ZNF880: variants seen among roughly 807,000 people sequenced by gnomAD.
The protein encoded by ZNF880 is zinc finger protein 880.
Under a neutral mutation model 11.8 loss-of-function variants are expected in ZNF880, and 12 were observed. The ratio of observed to expected loss-of-function variants is 1.02; its 90% CI spans 0.65 to 1.65. ZNF880 has a LOEUF of 1.65. Among genes scored for constraint, ZNF880 ranks in the 40% most tolerant of loss-of-function variants. ZNF880 has a pLI of 0.00. For synonymous variants in ZNF880, 210 were observed against 232.4 expected, an observed-to-expected ratio of 0.90 and a Z score of 0.88; for missense variants, 601 against 673.9, an observed-to-expected ratio of 0.89 and a Z score of 1.20.
At chr19:52,389,886 T>G (rs185350655), downstream of ZNF880, 6 of 152,376 alleles carry the variant, frequency 3.9e-5, no homozygotes, top group East Asian at 1.2e-3. Context: ...AACAACCATT[T>G]TCTAGGAAGC....
At chr19:52,385,958 G>A (rs547040831), downstream of ZNF880, among the ~76,000 whole-genome samples, 2 of 142,912 alleles carry the variant, frequency 1.4e-5, 1 homozygote, top group African/African-American at 5.4e-5. Context: ...GGCGGATCAC[G>A]AGGTTAGGAG....
the ZNF880 span, among the ~76,000 whole-genome samples, chr19:52,393,881 G>T: frequency 7.9e-6 from 1 of 126,616 alleles, no homozygotes; most frequent in Non-Finnish European, 1.6e-5. Context: ...CTGTCGCCCA[G>T]GCTGGAGTGC....
chr19:52,367,098 G>T (rs1986138558), upstream of ZNF880: 1 of 254,564 alleles, frequency 3.9e-6, no homozygotes, highest in Non-Finnish European at 7.2e-6. Flanking sequence ...CATGTTTTAA[G>T]TAATAAAGTT....
At chr19:52,369,890 C>G, upstream of ZNF880, 1 of 1,542,848 alleles carries the variant, frequency 6.5e-7, no homozygotes, top group Non-Finnish European at 8.8e-7. Flanking sequence ...CCCACCCGGG[C>G]CTGGCCTCGC....
Position 52,376,806 on chromosome 19 carries a change from G to A in ZNF880, c.268+2379G>A, listed in dbSNP as rs959607130. Reference sequence around the variant, plus strand: ...ATTATAGGGGTGAGAGACTGTGCCCGGCCCTTAGCCCACTTTTTGATAGGA... The same window carrying A: ...ATTATAGGGGTGAGAGACTGTGCCCAGCCCTTAGCCCACTTTTTGATAGGA... On this transcript the variant is annotated intron_variant, in intron 3 of 3. Transcript: ENST00000422689. Among the ~76,000 whole-genome samples, 12 of 152,126 alleles carry A rather than the reference G, an allele frequency of 7.9e-5. 1 individual carries two copies. Among genetic ancestry groups the A allele is most frequent in the South Asian group, 4.2e-4 (2 of 4,816 alleles).
At chr19:52,375,429 T>G (rs1164045948) in intron 3 of ZNF880, among the ~76,000 whole-genome samples, 1 of 151,932 alleles carries the variant, frequency 6.6e-6, no homozygotes, top group Non-Finnish European at 1.5e-5. Flanking sequence ...TGGCCTCAAG[T>G]GATCCACCCA....
At chr19:52,368,400 G>C (rs1986224117), upstream of ZNF880, among the ~76,000 whole-genome samples, 1 of 152,050 alleles carries the variant, frequency 6.6e-6, no homozygotes, top group African/African-American at 2.4e-5. Flanking sequence ...TTGAATTTTT[G>C]ACCACTCTTC....
the ZNF880 span, chr19:52,397,153 C>CT: frequency 0.41 from 60,200 of 147,874 alleles, 15,769 homozygotes; most frequent in African/African-American, 0.74. Context: ...AAGTTACTGG[C>CT]TTTTTTTTTT....
intron 3 of ZNF880, chr19:52,379,957 ATACAAT>A (rs1307733802): frequency 1.3e-5 from 2 of 151,974 alleles, no homozygotes; most frequent in Non-Finnish European, 2.9e-5. Context: ...AGAGTGTGGT[ATACAAT>A]CTCAGTTCAC....
the ZNF880 span, among the ~76,000 whole-genome samples, chr19:52,395,066 C>T: frequency 6.6e-6 from 1 of 152,194 alleles, no homozygotes; most frequent in African/African-American, 2.4e-5. Flanking sequence ...AGGGATGTAG[C>T]TACCTTCCTT....
chr19:52,383,753 T>C, intron 3 of ZNF880, 96 bp from the exon 4 acceptor site: 1 of 1,275,006 alleles, frequency 7.8e-7, no homozygotes, highest in Non-Finnish European at 1.1e-6. Context: ...TTCCTTCCCA[T>C]GTCTGAGTCA....
Position 52,374,446 on chromosome 19 carries a change from A to C in ZNF880, c.268+19A>C, listed in dbSNP as rs1361987740. 2 of 1,603,360 alleles carry C rather than the reference A, an allele frequency of 1.2e-6. No homozygotes were observed. Among genetic ancestry groups the C allele is most frequent in the South Asian group, 2.2e-5 (2 of 89,674 alleles). On this transcript the variant is annotated intron_variant, in intron 3 of 3. Transcript: ENST00000422689. Reference sequence around the variant, plus strand: ...AACGCAGGTAAGAGCTTGGATGGCCAGAGTGGAGGCCCCATAATTTTTTTT... The same window carrying C: ...AACGCAGGTAAGAGCTTGGATGGCCCGAGTGGAGGCCCCATAATTTTTTTT...
At position 52,384,308 on chromosome 19, in the gene ZNF880, A is replaced by G. The variant is rs753933479; in HGVS notation, c.728A>G (p.His243Arg). ...ACTGGAGAGAAGCCTTACAAGTGTC[A>G]TGAATGTGGCAAGCTCTTCAATCGA... ...IHTGEKPYKC[H>R]ECGKLFNRIS... Residue 243 changes from histidine to arginine, a missense_variant, in exon 4 of 4, where the codon CAT (histidine) becomes CGT (arginine). Transcript: ENST00000422689. The G allele has an allele frequency of 3.4e-5, 55 of 1,613,794 alleles. No homozygotes were observed. In the South Asian group the frequency reaches 5.6e-4, roughly 16 times the overall value.
chr19:52,386,003 A>G (rs4802929), downstream of ZNF880, among the ~76,000 whole-genome samples: 64,949 of 139,610 alleles, frequency 0.47, 19,297 homozygotes, highest in Middle Eastern at 0.57. Flanking sequence ...GTGAAACCCC[A>G]TCTCTACTAA....
chr19:52,387,406 T>C (rs1986912919), downstream of ZNF880, among the ~76,000 whole-genome samples: 1 of 143,602 alleles, frequency 7.0e-6, no homozygotes, highest in South Asian at 2.2e-4. Flanking sequence ...ACTCATGGCA[T>C]GCACCTTAAT....
chr19:52,367,912 G>GT (rs1986189129), upstream of ZNF880: 1 of 152,010 alleles, frequency 6.6e-6, no homozygotes, highest in South Asian at 2.1e-4. Context: ...CAAAAATACT[G>GT]TAACATGGCC....
In ZNF880 at chr19:52,384,964, A is replaced by G; in HGVS notation, c.1384A>G (p.Lys462Glu). The G allele has an allele frequency of 1.3e-6, 2 of 1,570,902 alleles. No individual in the cohort carries two copies. Among genetic ancestry groups the G allele is most frequent in the South Asian group, 2.3e-5 (2 of 86,014 alleles). The change falls in exon 4 of 4, where the codon AAA (lysine) becomes GAA (glutamate). Residue 462 changes from lysine to glutamate, a missense_variant. By Grantham distance (56) the Lys-to-Glu change is moderately conservative (BLOSUM62 1). Around this residue, in one of 3 missense-constraint regions of ZNF880, gnomAD observed 177 missense variants for 214.5 expected, o/e 0.83. Transcript: ENST00000422689. ...TCATCAGAGATTTCATACTGGAGAG[A>G]AACCTTACAGATGTGATGAATGTGG... The part of the protein sequence containing the change: ...SNHQRFHTGE[K>E]PYRCDECGKD...
chr19:52,372,909 C>CAA (rs201869014), intron 1 of ZNF880, among the ~76,000 whole-genome samples: 295 of 69,382 alleles, frequency 4.3e-3, no homozygotes, highest in Middle Eastern at 8.9e-3. Context: ...GACTCCGTCT[C>CAA]AAAAAAAAAA....
At chr19:52,383,710 C>A in intron 3 of ZNF880, 139 bp from the exon 4 acceptor site, 2 of 933,106 alleles carry the variant, frequency 2.1e-6, no homozygotes, top group Non-Finnish European at 3.2e-6. Flanking sequence ...TTGTTTTCTG[C>A]ACTGCCAGCA....
Sources: gnomAD v4.1 joint callset for allele counts (sites outside exome capture counted in the v4.1 genomes callset) on GRCh38, gnomAD v4.1.1 for gene constraint, gnomAD v4.1.1 regional missense constraint, MANE v1.5 for transcripts, NCBI Gene and HGNC (gene_info 2026-07-23, HGNC 2026-07-21) for gene names.